STRN: variants seen among roughly 807,000 people sequenced by gnomAD.
The protein encoded by STRN is striatin.
Under a neutral mutation model 96.3 loss-of-function variants are expected in STRN, and 53 were observed. The observed-to-expected ratio is 0.55, with a 90% CI of 0.44 to 0.69. STRN has a LOEUF of 0.69. STRN is among the 30% of genes least tolerant of loss of function. The probability of loss-of-function intolerance (pLI) is 0.00; values close to 1 mark genes in which losing one functional copy is unlikely to be tolerated. For synonymous variants in STRN, 428 were observed against 355.9 expected, an observed-to-expected ratio of 1.20 and a Z score of -2.28; for missense variants, 987 against 963.9, an observed-to-expected ratio of 1.02 and a Z score of -0.32.
At chr2:36,909,157 CA>C (rs78134786) in intron 3 of STRN, among the ~76,000 whole-genome samples, 9,664 of 74,098 alleles carry the variant, frequency 0.13, 394 homozygotes, top group East Asian at 0.38. Flanking sequence ...GACTTCATCT[CA>C]AAAAAAAAAA....
Position 36,847,388 on chromosome 2 carries a change from T to A in STRN, c.*2068A>T, listed in dbSNP as rs1206821671. 2.0e-5 allele frequency: 3 copies of A among 152,190 alleles called. No individual in the cohort carries two copies. The highest frequency in any genetic ancestry group is 7.2e-5 in the African/African-American group (3 of 41,448). 9.4% of individuals were successfully genotyped at this position (152,190 alleles called of 1,614,324 possible). ...ATACACCAAGTAATGGCATCTTCCT[T>A]CCTTCCTTCCTGGAAGGAATTTTCC... is the stretch of plus-strand genomic sequence containing the variant. On this transcript the variant is annotated 3_prime_UTR_variant, in exon 18 of 18. Coordinates refer to ENST00000263918, the MANE Select transcript of STRN (RefSeq NM_003162.4).
intron 1 of STRN, among the ~76,000 whole-genome samples, chr2:36,943,649 A>G (rs1021366883): frequency 6.6e-6 from 1 of 151,944 alleles, no homozygotes; most frequent in Admixed American, 6.6e-5. Flanking sequence ...CTAAAAATAG[A>G]AAAAATTAGC....
rs117316521 is a variant in STRN at position 36,934,789 on chromosome 2, C to T, written c.235-9581G>A. 1.5e-4 allele frequency among the ~76,000 whole-genome samples: 23 copies of T among 152,176 alleles called. No individual in the cohort carries two copies. In the East Asian group the frequency reaches 2.7e-3, roughly 18 times the overall value. The stretch of plus-strand genomic sequence containing the variant: ...CATCCTATGTTCCAATCAAAGTAGT[C>T]AATTAGGCTGGGCACGGTGGCTCAT... On this transcript the variant is annotated intron_variant, in intron 1 of 17. Transcript: ENST00000263918.
intron 12 of STRN, among the ~76,000 whole-genome samples, chr2:36,861,733 A>G (rs1282778766): frequency 6.0e-4 from 1 of 1,656 alleles, no homozygotes; most frequent in Admixed American, 0.056. Flanking sequence ...TTGCGTGAGC[A>G]CACACACACA....
intron 9 of STRN, among the ~76,000 whole-genome samples, chr2:36,879,437 T>C (rs925822803): frequency 1.3e-5 from 2 of 152,248 alleles, no homozygotes; most frequent in Non-Finnish European, 2.9e-5. Flanking sequence ...AAGATGTCAG[T>C]TTTACTTTGT....
chr2:36,949,929 G>C (rs952249282), intron 1 of STRN, among the ~76,000 whole-genome samples: 10 of 152,088 alleles, frequency 6.6e-5, no homozygotes, highest in Non-Finnish European at 1.5e-4. Flanking sequence ...CAGAGTAACT[G>C]CTGAAAAAAA....
chr2:36,924,857 G>C (rs112496592), intron 2 of STRN, among the ~76,000 whole-genome samples: 31 of 152,296 alleles, frequency 2.0e-4, no homozygotes, highest in African/African-American at 7.2e-4. Context: ...AGGAATTCGA[G>C]ACCAGCCTGA....
intron 1 of STRN, among the ~76,000 whole-genome samples, chr2:36,935,690 C>G (rs947876618): frequency 4.6e-5 from 7 of 152,154 alleles, no homozygotes; most frequent in Non-Finnish European, 4.4e-5. Context: ...CTGAGGACAA[C>G]AGCTAAATAA....
At position 36,941,716 on chromosome 2, in the gene STRN, A is replaced by ATTTTTTTTTTTTTTT. The variant is rs34746648; in HGVS notation, c.235-16523_235-16509dup. 1.8e-3 allele frequency among the ~76,000 whole-genome samples: 236 copies of ATTTTTTTTTTTTTTT among 134,794 alleles called. 5 individuals carry two copies. Among genetic ancestry groups the ATTTTTTTTTTTTTTT allele is most frequent in the African/African-American group, 6.5e-3 (228 of 35,310 alleles). The allele number at this position is 134,794 out of a possible 152,430, so 88.4% of individuals were successfully genotyped here. ...AGGCGCCTGCCACCCCACCCAGCTAATTTTTTTTTTTTTTTTTAGTGGAGA... is the reference window on the plus strand; with the variant it reads ...AGGCGCCTGCCACCCCACCCAGCTAATTTTTTTTTTTTTTTTTTTTTTTTTTTTTTTTAGTGGAGA... On this transcript the variant is annotated intron_variant, in intron 1 of 17. Coordinates refer to ENST00000263918, the MANE Select transcript of STRN (RefSeq NM_003162.4).
chr2:36,878,603 G>T (rs1449477153), intron 9 of STRN, among the ~76,000 whole-genome samples: 1 of 152,120 alleles, frequency 6.6e-6, no homozygotes, highest in Non-Finnish European at 1.5e-5. Context: ...CCCTGGTAAT[G>T]TTCTACTTGT....
intron 1 of STRN, among the ~76,000 whole-genome samples, chr2:36,932,954 G>A (rs553094073): frequency 1.3e-3 from 203 of 152,102 alleles, no homozygotes; most frequent in Middle Eastern, 3.4e-3. Context: ...CTCAGAACTC[G>A]AATCAGTCAG....
At position 36,952,007 on chromosome 2, in the gene STRN, C is replaced by T. The variant is rs141725847; in HGVS notation, c.234+14223G>A. On this transcript the variant is annotated intron_variant, in intron 1 of 17. Transcript: ENST00000263918. Reference sequence around the variant, plus strand: ...GTGCGGCACTCCCAAGAATCTAACGCCTGATGATGTGAGGTGGAACAATTT... The same window carrying T: ...GTGCGGCACTCCCAAGAATCTAACGTCTGATGATGTGAGGTGGAACAATTT... Among the ~76,000 whole-genome samples the T allele has an allele frequency of 2.0e-5, 3 of 152,240 alleles. No homozygotes were observed. The East Asian group carries it at 5.8e-4, about 29-fold the overall frequency.
At chr2:36,887,266 AAAATAAATAAATAAATAAATAAAT>A (rs34577574) in intron 7 of STRN, among the ~76,000 whole-genome samples, 3 of 136,440 alleles carry the variant, frequency 2.2e-5, no homozygotes, top group African/African-American at 8.1e-5. Context: ...CATTTCTAGT[AAAATAAATAAATAAATAAATAAAT>A]AAATAAATAA....
At chr2:36,863,646 C>T (rs1273944834) in intron 12 of STRN, among the ~76,000 whole-genome samples, 1 of 152,122 alleles carries the variant, frequency 6.6e-6, no homozygotes, top group Admixed American at 6.5e-5. Flanking sequence ...ATTGCCTTGG[C>T]TCTTCGGGTT....
intron 15 of STRN, among the ~76,000 whole-genome samples, chr2:36,853,996 C>T (rs976140985): frequency 6.6e-6 from 1 of 152,082 alleles, no homozygotes; most frequent in Non-Finnish European, 1.5e-5. Context: ...GTAAAAAGTC[C>T]TATTAATTTA....
rs192580469 is a variant in STRN at position 36,953,915 on chromosome 2, G to A, written c.234+12315C>T. On this transcript the variant is annotated intron_variant, in intron 1 of 17. Transcript: ENST00000263918. ...GGAGGCTGATGCAGGAGGATCAACT[G>A]AGCCCAGGAGTGTGAGGCTGCAGTG... 5.9e-5 allele frequency among the ~76,000 whole-genome samples: 9 copies of A among 152,252 alleles called. No individual in the cohort carries two copies. The East Asian group carries it at 1.5e-3, about 26-fold the overall frequency.
At position 36,901,980 on chromosome 2, in the gene STRN, G is replaced by A. The variant is rs879579169; in HGVS notation, c.659+604C>T. Among the ~76,000 whole-genome samples, 14 of 151,882 alleles carry A rather than the reference G, an allele frequency of 9.2e-5. No homozygotes were observed. In the South Asian group the frequency reaches 1.5e-3, roughly 16 times the overall value. On this transcript the variant is annotated intron_variant, in intron 5 of 17. Coordinates refer to ENST00000263918, the MANE Select transcript of STRN (RefSeq NM_003162.4). ...GGCTTTTTATTCAATTAACAATCAC[G>A]GAAATTTTTTCCCAATAAATAAGAA...
intron 2 of STRN, among the ~76,000 whole-genome samples, chr2:36,916,494 G>GT (rs1208096945): frequency 7.0e-6 from 1 of 143,768 alleles, no homozygotes; most frequent in African/African-American, 2.6e-5. Context: ...ATCAAAAACA[G>GT]TTAAAAAAAA....
rs141402094 is a variant in STRN at position 36,892,262 on chromosome 2, G to A, written c.931+1636C>T. ...AACAAAGACACCTGGGACTACTAGA[G>A]GCAGGAGGCAGGGAGGGCAGTAAGC... On this transcript the variant is annotated intron_variant, in intron 7 of 17. Coordinates refer to ENST00000263918, the MANE Select transcript of STRN (RefSeq NM_003162.4). Among the ~76,000 whole-genome samples, 757 of 152,296 alleles carry A rather than the reference G, an allele frequency of 5.0e-3. 3 individuals are homozygous for A. The highest frequency in any genetic ancestry group is 0.013 in the African/African-American group (521 of 41,558).
Sources: allele counts gnomAD v4.1 joint callset (sites outside exome capture counted in the v4.1 genomes callset), GRCh38; gene constraint gnomAD v4.1.1; transcripts MANE v1.5; gene names NCBI Gene and HGNC (gene_info 2026-07-23, HGNC 2026-07-21).